Variants in RBFOX1 observed in about 807,000 individuals in gnomAD.
RBFOX1 encodes RNA binding protein fox-1 homolog 1.
A neutral mutation model predicts 57.7 loss-of-function variants in RBFOX1; 8 were observed. That is an observed-to-expected ratio of 0.14 (90% CI 0.08 to 0.25). The LOEUF is 0.25. Among genes scored for constraint, RBFOX1 ranks in the 10% least tolerant of loss-of-function variants. RBFOX1 has a pLI of 1.00. For synonymous variants in RBFOX1, 326 were observed against 222.4 expected, an observed-to-expected ratio of 1.47 and a Z score of -4.15; for missense variants, 611 against 548.5, an observed-to-expected ratio of 1.11 and a Z score of -1.14.
At chr16:7,444,337 A>G (rs1448772584) in intron 4 of RBFOX1, among the ~76,000 whole-genome samples, 3 of 152,144 alleles carry the variant, frequency 2.0e-5, no homozygotes, top group Non-Finnish European at 4.4e-5. Context: ...GTCGTAAGAT[A>G]TACCTATTCA....
intron 3 of RBFOX1, among the ~76,000 whole-genome samples, chr16:5,711,848 A>G (rs2051498629): frequency 6.6e-6 from 1 of 152,234 alleles, no homozygotes; most frequent in Non-Finnish European, 1.5e-5. Context: ...GATGATGGTG[A>G]TGACAAAAAT....
chr16:5,785,173 G>A (rs556519033), intron 3 of RBFOX1, among the ~76,000 whole-genome samples: 1 of 152,132 alleles, frequency 6.6e-6, no homozygotes, highest in Non-Finnish European at 1.5e-5. Flanking sequence ...GACATTCAAC[G>A]GTCCTTGCTA....
At chr16:5,944,522 A>G (rs2059351912) in intron 4 of RBFOX1, among the ~76,000 whole-genome samples, 4 of 152,078 alleles carry the variant, frequency 2.6e-5, no homozygotes, top group South Asian at 4.1e-4. Flanking sequence ...ATTAAGCTAC[A>G]TCTGGCTGCA....
chr16:6,517,120 C>T (rs1405853147), intron 2 of RBFOX1, among the ~76,000 whole-genome samples: 2 of 152,224 alleles, frequency 1.3e-5, no homozygotes, highest in African/African-American at 4.8e-5. Flanking sequence ...TGTTGTGGGC[C>T]ACTTGTGACC....
intron 3 of RBFOX1, among the ~76,000 whole-genome samples, chr16:5,746,506 T>A (rs143499166): frequency 0.02 from 3,020 of 152,308 alleles, 90 homozygotes; most frequent in African/African-American, 0.067. Context: ...GGGGATGGCA[T>A]TGAATCTATA....
chr16:6,445,170 A>G (rs1364517165), intron 2 of RBFOX1, among the ~76,000 whole-genome samples: 1 of 152,172 alleles, frequency 6.6e-6, no homozygotes, highest in Non-Finnish European at 1.5e-5. Flanking sequence ...AGCAGGGAAC[A>G]TGAGAATAAG....
At chr16:5,711,081 C>G (rs368227848) in intron 3 of RBFOX1, among the ~76,000 whole-genome samples, 1 of 152,106 alleles carries the variant, frequency 6.6e-6, no homozygotes. Flanking sequence ...AGTGAATAAT[C>G]AAATTATTGT....
chr16:7,623,455 T>C (rs2059611911), intron 10 of RBFOX1, among the ~76,000 whole-genome samples: 1 of 152,144 alleles, frequency 6.6e-6, no homozygotes, highest in South Asian at 2.1e-4. Flanking sequence ...AGGCATTAGA[T>C]TCTCATAAGG....
chr16:7,298,555 G>T (rs548340763), intron 4 of RBFOX1, among the ~76,000 whole-genome samples: 5 of 152,172 alleles, frequency 3.3e-5, no homozygotes, highest in African/African-American at 9.6e-5. Context: ...GCCTCCCAAA[G>T]TGCCGGGATT....
intron 4 of RBFOX1, among the ~76,000 whole-genome samples, chr16:7,396,935 T>C (rs1250695460): frequency 1.3e-5 from 2 of 151,684 alleles, no homozygotes; most frequent in Non-Finnish European, 2.9e-5. Flanking sequence ...GGTGAGACTG[T>C]CAAAAAGAAA....
intron 1 of RBFOX1, among the ~76,000 whole-genome samples, chr16:5,378,590 C>G (rs1049718247): frequency 2.0e-5 from 3 of 151,584 alleles, no homozygotes; most frequent in Non-Finnish European, 2.9e-5. Flanking sequence ...TGCAGGCTTC[C>G]TGGGACGTGG....
chr16:7,329,419 G>A (rs1221422775), intron 4 of RBFOX1, among the ~76,000 whole-genome samples: 1 of 152,224 alleles, frequency 6.6e-6, no homozygotes, highest in African/African-American at 2.4e-5. Context: ...TGCCACTGGG[G>A]AATGGAAAGA....
chr16:7,590,863 GAAAAAA>G (rs36061659), intron 7 of RBFOX1, among the ~76,000 whole-genome samples: 4 of 102,924 alleles, frequency 3.9e-5, no homozygotes, highest in Admixed American at 1.1e-4. Context: ...CTGTCTCTAA[GAAAAAA>G]AAAAAAAAAA....
At chr16:5,753,706 T>C (rs921748917) in intron 3 of RBFOX1, among the ~76,000 whole-genome samples, 7 of 152,218 alleles carry the variant, frequency 4.6e-5, no homozygotes, top group African/African-American at 7.2e-5. Context: ...CCAGTGTTTT[T>C]CTGTCCCCAG....
intron 1 of RBFOX1, among the ~76,000 whole-genome samples, chr16:5,362,776 G>A (rs1255413376): frequency 6.6e-6 from 1 of 152,080 alleles, no homozygotes; most frequent in Non-Finnish European, 1.5e-5. Context: ...GAGTCATCCT[G>A]TAAGTGGAAT....
chr16:7,655,511 T>TCGATAGTATAATTTTTA (rs1397180973), intron 12 of RBFOX1, among the ~76,000 whole-genome samples: 3 of 152,214 alleles, frequency 2.0e-5, no homozygotes, highest in African/African-American at 7.2e-5. Context: ...TAAGGAGTTG[T>TCGATAGTATAATTTTTA]CGATAGTATA....
chr16:6,441,395 G>T (rs1567280966), intron 2 of RBFOX1, among the ~76,000 whole-genome samples: 1 of 151,764 alleles, frequency 6.6e-6, no homozygotes, highest in African/African-American at 2.4e-5. Context: ...TTATTTTCTT[G>T]TTTTTTTGTT....
intron 2 of RBFOX1, among the ~76,000 whole-genome samples, chr16:6,627,753 G>C (rs1753881517): frequency 6.6e-6 from 1 of 152,190 alleles, no homozygotes; most frequent in Non-Finnish European, 1.5e-5. Flanking sequence ...GGAGGGTGGA[G>C]ATTTGGTGCA....
chr16:6,572,968 C>G (rs1031900804), intron 2 of RBFOX1, among the ~76,000 whole-genome samples: 3 of 152,142 alleles, frequency 2.0e-5, no homozygotes, highest in African/African-American at 7.2e-5. Flanking sequence ...AAATAAATAC[C>G]TTCCCTCGGG....
Sources: allele counts gnomAD v4.1 joint callset (sites outside exome capture counted in the v4.1 genomes callset), GRCh38; gene constraint gnomAD v4.1.1; transcripts MANE v1.5; gene names NCBI Gene and HGNC (gene_info 2026-07-23, HGNC 2026-07-21).